The following TRMT11 variants were observed in gnomAD, a reference collection of about 807,000 sequenced individuals.
TRMT11 encodes tRNA methyltransferase 11, also known as tRNA (guanine(10)-N(2))-methyltransferase TRMT11.
Under a neutral mutation model 62.8 loss-of-function variants are expected in TRMT11, and 53 were observed. The ratio of observed to expected loss-of-function variants is 0.84; its 90% CI spans 0.68 to 1.06. The LOEUF (loss-of-function observed/expected upper bound fraction) is 1.06, where lower values mean the gene tolerates loss of function less well. Ranked by LOEUF, TRMT11 falls within the 50% of genes least tolerant of loss-of-function variation. TRMT11 has a pLI of 0.00. For missense variants in TRMT11, 556 were observed against 553.4 expected (o/e 1.00, Z -0.05); for synonymous variants, 188 against 190.3 (o/e 0.99, Z 0.10).
intron 21 of TRMT11, among the ~76,000 whole-genome samples, chr6:126,167,923 A>C (rs1778287173): frequency 6.6e-6 from 1 of 152,192 alleles, no homozygotes; most frequent in African/African-American, 2.4e-5. Flanking sequence ...GGGAGAATGT[A>C]AACATTTTAT....
At chr6:126,149,280 T>C (rs1778010667) in intron 21 of TRMT11, among the ~76,000 whole-genome samples, 1 of 152,234 alleles carries the variant, frequency 6.6e-6, no homozygotes, top group African/African-American at 2.4e-5. Flanking sequence ...TAAGTGTTGT[T>C]GTAGCTACTA....
intron 17 of TRMT11, among the ~76,000 whole-genome samples, chr6:126,106,771 G>T (rs183374219): frequency 7.9e-5 from 12 of 152,182 alleles, no homozygotes; most frequent in African/African-American, 2.9e-4. Flanking sequence ...CCCAGGGCTG[G>T]CATATATTAA....
intron 8 of TRMT11, among the ~76,000 whole-genome samples, chr6:126,009,827 A>G (rs766224153): frequency 1.3e-5 from 2 of 152,012 alleles, no homozygotes; most frequent in African/African-American, 4.8e-5. Context: ...TGTCTTATAT[A>G]ATTTACTTGA....
At chr6:126,257,810 G>T in the TRMT11 span, 2 of 763,636 alleles carry the variant, frequency 2.6e-6, no homozygotes, top group South Asian at 3.0e-5. Flanking sequence ...CAGGGGAAGA[G>T]ACCTGCTCAT....
chr6:126,170,154 G>A (rs1236062424), intron 21 of TRMT11, among the ~76,000 whole-genome samples: 1 of 151,384 alleles, frequency 6.6e-6, no homozygotes, highest in Non-Finnish European at 1.5e-5. Context: ...ATTTTCTATT[G>A]TTTCATTTTT....
At chr6:126,242,693 C>T in the TRMT11 span, among the ~76,000 whole-genome samples, 1 of 152,152 alleles carries the variant, frequency 6.6e-6, no homozygotes, top group South Asian at 2.1e-4. Flanking sequence ...AAAGGATTCC[C>T]TATTTAATAA....
intron 21 of TRMT11, among the ~76,000 whole-genome samples, chr6:126,145,017 G>T (rs1777958622): frequency 6.6e-6 from 1 of 152,104 alleles, no homozygotes; most frequent in African/African-American, 2.4e-5. Flanking sequence ...TTTAAAGACT[G>T]CCAGTGAAAG....
chr6:126,187,723 T>A (rs1004566462), intron 1 of TRMT11, among the ~76,000 whole-genome samples: 1 of 151,908 alleles, frequency 6.6e-6, no homozygotes, highest in African/African-American at 2.4e-5. Context: ...TAGGATTTAT[T>A]TTACAGCTAT....
At chr6:126,175,735 A>G (rs560987519), upstream of TRMT11, among the ~76,000 whole-genome samples, 1 of 152,316 alleles carries the variant, frequency 6.6e-6, no homozygotes, top group East Asian at 1.9e-4. Flanking sequence ...CAACTCATAT[A>G]TCTTTATTCA....
chr6:126,173,443 G>C (rs1307304118), upstream of TRMT11, among the ~76,000 whole-genome samples: 1 of 152,266 alleles, frequency 6.6e-6, no homozygotes, highest in East Asian at 1.9e-4. Flanking sequence ...GAATGAGAAG[G>C]TTATTTGGAA....
intron 17 of TRMT11, among the ~76,000 whole-genome samples, chr6:126,075,166 C>T (rs1007625842): frequency 6.6e-6 from 1 of 152,162 alleles, no homozygotes; most frequent in East Asian, 1.9e-4. Context: ...ATGCAGGATA[C>T]CTTGAAACAA....
intron 17 of TRMT11, among the ~76,000 whole-genome samples, chr6:126,095,591 G>C (rs540967941): frequency 4.0e-4 from 61 of 152,198 alleles, no homozygotes; most frequent in Admixed American, 7.9e-4. Flanking sequence ...TCTGCCAAAT[G>C]CTAGGCTTCA....
intron 21 of TRMT11, among the ~76,000 whole-genome samples, chr6:126,171,692 G>A (rs993707937): frequency 2.0e-5 from 3 of 151,986 alleles, no homozygotes; most frequent in African/African-American, 4.8e-5. Flanking sequence ...TTTTAAAATC[G>A]GATCTTGAGA....
intron 1 of TRMT11, among the ~76,000 whole-genome samples, chr6:126,185,278 A>G (rs891422561): frequency 1.3e-5 from 2 of 152,134 alleles, no homozygotes; most frequent in African/African-American, 4.8e-5. Context: ...AGCAAAGTTT[A>G]TCTTTACTCC....
chr6:126,002,015 T>C (rs1792577049), intron 7 of TRMT11, among the ~76,000 whole-genome samples: 1 of 152,182 alleles, frequency 6.6e-6, no homozygotes, highest in African/African-American at 2.4e-5. Flanking sequence ...ACATTGAATC[T>C]GTCTTTGTGA....
intron 1 of TRMT11, among the ~76,000 whole-genome samples, chr6:125,989,940 A>G (rs1432924851): frequency 6.6e-6 from 1 of 151,842 alleles, no homozygotes; most frequent in South Asian, 2.1e-4. Context: ...CCCATTCTTT[A>G]TTGATTTTTA....
intron 11 of TRMT11, among the ~76,000 whole-genome samples, chr6:126,019,129 C>T (rs561563389): frequency 3.7e-4 from 56 of 152,286 alleles, no homozygotes; most frequent in African/African-American, 1.3e-3. Context: ...ATCCACCTGC[C>T]TTGGCCTCCC....
chr6:126,186,877 A>C (rs1186163474), intron 1 of TRMT11, among the ~76,000 whole-genome samples: 1 of 152,070 alleles, frequency 6.6e-6, no homozygotes, highest in African/African-American at 2.4e-5. Flanking sequence ...CTTGAATTTC[A>C]AGTATTAATA....
chr6:126,004,349 G>A (rs1793014383), intron 7 of TRMT11, among the ~76,000 whole-genome samples: 1 of 152,036 alleles, frequency 6.6e-6, no homozygotes, highest in African/African-American at 2.4e-5. Flanking sequence ...ACGTCTGACT[G>A]TTCATATAGT....
Sources: gnomAD v4.1 joint callset for allele counts (sites outside exome capture counted in the v4.1 genomes callset) on GRCh38, gnomAD v4.1.1 for gene constraint, MANE v1.5 for transcripts, NCBI Gene and HGNC (gene_info 2026-07-23, HGNC 2026-07-21) for gene names.